WARS1: variants seen among roughly 807,000 people sequenced by gnomAD.
The protein encoded by WARS1 is tryptophan--tRNA ligase, cytoplasmic.
In WARS1, 17 loss-of-function variants were observed where a neutral mutation model predicts 47.8. The observed-to-expected ratio is 0.36, with a 90% CI of 0.24 to 0.53. WARS1 has a LOEUF of 0.53. Among genes scored for constraint, WARS1 ranks in the 20% least tolerant of loss-of-function variants. The pLI is 0.91. For missense variants in WARS1, 434 were observed against 608.0 expected, an observed-to-expected ratio of 0.71 and a Z score of 3.01; for synonymous variants, 208 against 228.1, an observed-to-expected ratio of 0.91 and a Z score of 0.79.
At chr14:100,344,720 C>T (rs1178449374) in intron 7 of WARS1, among the ~76,000 whole-genome samples, 1 of 151,580 alleles carries the variant, frequency 6.6e-6, no homozygotes, top group Non-Finnish European at 1.5e-5. Flanking sequence ...ATGTGGGGAG[C>T]GCCTCTGCCC....
chr14:100,343,188 C>T (rs967168451), intron 8 of WARS1, 87 bp downstream of exon 8: 7 of 1,192,024 alleles, frequency 5.9e-6, no homozygotes, highest in Non-Finnish European at 8.1e-6. Context: ...CCCATCATAT[C>T]TTTCAATACC....
chr14:100,343,700 G>T (rs193006979), intron 7 of WARS1, among the ~76,000 whole-genome samples: 2 of 151,648 alleles, frequency 1.3e-5, no homozygotes, highest in East Asian at 3.9e-4. Context: ...GTGGTGGCTC[G>T]ATCTCAGCTC....
chr14:100,369,007 C>T, intron 2 of WARS1, 80 bp downstream of exon 2: 1 of 1,022,266 alleles, frequency 9.8e-7, no homozygotes, highest in Admixed American at 3.0e-5. Flanking sequence ...ATTGAGGAAA[C>T]CATCTATTCT....
chr14:100,349,737 C>T (rs570426896), intron 6 of WARS1, among the ~76,000 whole-genome samples: 22 of 152,312 alleles, frequency 1.4e-4, no homozygotes, highest in African/African-American at 4.6e-4. Flanking sequence ...GCAGGAAGGC[C>T]GTTCTGGGGC....
chr14:100,362,861 C>T (rs1895739852), intron 2 of WARS1, among the ~76,000 whole-genome samples: 1 of 152,184 alleles, frequency 6.6e-6, no homozygotes, highest in Non-Finnish European at 1.5e-5. Context: ...AAACACCAAC[C>T]TCCATTCAGA....
At chr14:100,362,001 CTG>C in intron 2 of WARS1, 80 bp from the exon 3 acceptor site, 1 of 1,457,680 alleles carries the variant, frequency 6.9e-7, no homozygotes, top group Non-Finnish European at 9.5e-7. Flanking sequence ...GTGGCAGGCA[CTG>C]TGTTAAATGC....
intron 10 of WARS1, 36 bp from the exon 11 acceptor site, chr14:100,335,072 C>T (rs1893622698): frequency 1.9e-6 from 3 of 1,605,078 alleles, no homozygotes; most frequent in African/African-American, 1.3e-5. Context: ...AGAGATGGCT[C>T]CACATGTCCT....
intron 1 of WARS1, among the ~76,000 whole-genome samples, chr14:100,371,447 CAAAAAA>C (rs60977618): frequency 3.4e-5 from 3 of 89,102 alleles, no homozygotes; most frequent in Non-Finnish European, 8.6e-5. Flanking sequence ...GGTTCTGTCT[CAAAAAA>C]AAAAAAAAAA....
intron 6 of WARS1, among the ~76,000 whole-genome samples, chr14:100,348,536 G>C (rs1386143849): frequency 6.6e-6 from 1 of 152,196 alleles, no homozygotes; most frequent in East Asian, 1.9e-4. Context: ...AAACAACAGA[G>C]AGCAAGAGCA....
rs145643739 is a variant in WARS1, at chr14:100,372,442, G to C, written c.-74+2841C>G. ...CCAGTTTCTTTCTCCTCCTTGATGAGAACCACCTCAGTTCCCAGAAAGGGA... is the reference window on the plus strand; with the variant it reads ...CCAGTTTCTTTCTCCTCCTTGATGACAACCACCTCAGTTCCCAGAAAGGGA... On this transcript the variant is annotated intron_variant, in intron 1 of 10. Coordinates refer to ENST00000392882, the MANE Select transcript of WARS1 (RefSeq NM_004184.4). Among the ~76,000 whole-genome samples the C allele has an allele frequency of 6.1e-3, 931 of 152,300 alleles. 6 individuals are homozygous for C. Among genetic ancestry groups the C allele is most frequent in the Middle Eastern group, 0.01 (3 of 294 alleles).
chr14:100,366,982 T>C, intron 2 of WARS1: 2 of 1,310,024 alleles, frequency 1.5e-6, no homozygotes, highest in South Asian at 2.4e-5. Flanking sequence ...ATTTCTTCAC[T>C]GTAGCCTACT....
chr14:100,338,560 C>G (rs1042391164), intron 9 of WARS1, among the ~76,000 whole-genome samples: 2 of 151,768 alleles, frequency 1.3e-5, no homozygotes, highest in Admixed American at 1.3e-4. Context: ...AGTCACTGTG[C>G]TCAGCCCCTT....
At position 100,373,075 on chromosome 14, in the gene WARS1, C is replaced by T. The variant is rs1441783682; in HGVS notation, c.-74+2208G>A. Among the ~76,000 whole-genome samples, 1 of 152,210 alleles carries T rather than the reference C, an allele frequency of 6.6e-6. No homozygotes were observed. Among genetic ancestry groups the T allele is most frequent in the Non-Finnish European group, 1.5e-5 (1 of 68,040 alleles). On this transcript the variant is annotated intron_variant, in intron 1 of 10. Coordinates refer to ENST00000392882, the MANE Select transcript of WARS1 (RefSeq NM_004184.4). The surrounding 1 kb of genome is among the most constrained non-coding windows in gnomAD (Gnocchi z 4.4). Reference sequence around the variant, plus strand: ...GCACTCACACTGCAGTTTAGTTATTCATGTCTTCCCCAGCAGACAGCAAAG... The same window carrying T: ...GCACTCACACTGCAGTTTAGTTATTTATGTCTTCCCCAGCAGACAGCAAAG...
chr14:100,370,406 G>C (rs935451985), intron 1 of WARS1: 1 of 152,188 alleles, frequency 6.6e-6, no homozygotes, highest in African/African-American at 2.4e-5. Flanking sequence ...AGGCATGGTA[G>C]CACTTTGTAA....
chr14:100,352,456 T>C (rs1199230755), intron 6 of WARS1, among the ~76,000 whole-genome samples: 1 of 152,160 alleles, frequency 6.6e-6, no homozygotes, highest in Non-Finnish European at 1.5e-5. Context: ...GAGGGAACGT[T>C]CTGGGGATGC....
At chr14:100,340,457 T>C (rs1286122106) in intron 9 of WARS1, 3 of 152,230 alleles carry the variant, frequency 2.0e-5, no homozygotes, top group African/African-American at 7.2e-5. Context: ...CAAAGCCACC[T>C]GAGTCGTCAG....
chr14:100,339,294 G>C (rs1212375400), intron 9 of WARS1, among the ~76,000 whole-genome samples: 4 of 151,672 alleles, frequency 2.6e-5, no homozygotes, highest in Non-Finnish European at 5.9e-5. Flanking sequence ...AGAGGCTCAG[G>C]CAAGGCCCAT....
intron 10 of WARS1, chr14:100,336,792 A>T: frequency 2.7e-6 from 1 of 376,318 alleles, no homozygotes; most frequent in Non-Finnish European, 4.9e-6. Context: ...TGATCACGTT[A>T]ACTTACATTT....
intron 4 of WARS1, among the ~76,000 whole-genome samples, chr14:100,355,116 T>C (rs987865474): frequency 6.6e-6 from 1 of 151,938 alleles, no homozygotes; most frequent in Non-Finnish European, 1.5e-5. Context: ...TCAAGAGTCA[T>C]CCCCCTCCCT....
Sources: allele counts gnomAD v4.1 joint callset (sites outside exome capture counted in the v4.1 genomes callset), GRCh38; gene constraint gnomAD v4.1.1; non-coding constraint Gnocchi (gnomAD v3.1); transcripts MANE v1.5; gene names NCBI Gene and HGNC (gene_info 2026-07-23, HGNC 2026-07-21).